Variants in RBFOX1 observed in about 807,000 individuals in gnomAD.
The protein encoded by RBFOX1 is RNA binding protein fox-1 homolog 1.
RBFOX1 carries 8 observed loss-of-function variants against 57.7 expected under a neutral mutation model. The observed-to-expected ratio is 0.14, with a 90% CI of 0.08 to 0.25. RBFOX1 has a LOEUF of 0.25. Among genes scored for constraint, RBFOX1 ranks in the 10% least tolerant of loss-of-function variants. The probability of loss-of-function intolerance (pLI) is 1.00; values close to 1 mark genes in which losing one functional copy is unlikely to be tolerated. For synonymous variants in RBFOX1, 326 were observed against 222.4 expected (o/e 1.47, Z -4.15); for missense variants, 611 against 548.5 (o/e 1.11, Z -1.14).
At chr16:6,971,552 G>A (rs1181863889) in intron 3 of RBFOX1, among the ~76,000 whole-genome samples, 1 of 151,882 alleles carries the variant, frequency 6.6e-6, no homozygotes, top group Non-Finnish European at 1.5e-5. Context: ...TTGAGCAAAA[G>A]AAATGTGTTC....
intron 1 of RBFOX1, among the ~76,000 whole-genome samples, chr16:5,263,063 G>C (rs764864530): frequency 6.6e-6 from 1 of 151,914 alleles, no homozygotes; most frequent in East Asian, 1.9e-4. Context: ...GCTAACAATG[G>C]CAGGGTGACG....
At chr16:5,973,514 A>C (rs776057774) in intron 4 of RBFOX1, among the ~76,000 whole-genome samples, 28 of 152,194 alleles carry the variant, frequency 1.8e-4, no homozygotes, top group Non-Finnish European at 3.1e-4. Context: ...GAAAAGTCAT[A>C]TACGCAGGAT....
chr16:6,238,110 A>AG (rs1041869283), intron 1 of RBFOX1, among the ~76,000 whole-genome samples: 1 of 145,814 alleles, frequency 6.9e-6, no homozygotes, highest in African/African-American at 2.6e-5. Flanking sequence ...AAAAAAAAAA[A>AG]AGAAAGAAAA....
chr16:7,025,099 A>T (rs1568421568), intron 3 of RBFOX1, among the ~76,000 whole-genome samples: 2 of 152,296 alleles, frequency 1.3e-5, no homozygotes, highest in South Asian at 4.1e-4. Context: ...TATGTTTATT[A>T]AGAATGTAGA....
intron 9 of RBFOX1, among the ~76,000 whole-genome samples, chr16:7,605,998 A>T (rs1415647504): frequency 6.6e-6 from 1 of 151,848 alleles, no homozygotes; most frequent in Non-Finnish European, 1.5e-5. Context: ...AGTAGAGTCA[A>T]GGTTTCGCCA....
At chr16:6,779,869 TTA>T (rs796745489) in intron 3 of RBFOX1, among the ~76,000 whole-genome samples, 58 of 3,306 alleles carry the variant, frequency 0.018, 7 homozygotes, top group East Asian at 0.071. Flanking sequence ...ATTTATATAT[TTA>T]TATATATTTA....
chr16:7,271,073 C>T (rs1480912697), intron 4 of RBFOX1, among the ~76,000 whole-genome samples: 1 of 152,058 alleles, frequency 6.6e-6, no homozygotes, highest in East Asian at 1.9e-4. Context: ...CCTCACAGTT[C>T]TAAAGGAGAC....
intron 4 of RBFOX1, among the ~76,000 whole-genome samples, chr16:7,400,494 C>A (rs1204667576): frequency 6.6e-6 from 1 of 152,092 alleles, no homozygotes; most frequent in East Asian, 1.9e-4. Flanking sequence ...TGAAAGCTAC[C>A]TTGGCCCACA....
intron 1 of RBFOX1, among the ~76,000 whole-genome samples, chr16:5,329,982 CAAAAAAAAAAA>C (rs71142613): frequency 2.8e-5 from 4 of 144,674 alleles, no homozygotes; most frequent in Non-Finnish European, 3.0e-5. Context: ...GACTCTGTCT[CAAAAAAAAAAA>C]AAAAAAAAAA....
At chr16:7,445,747 C>CA (rs1352358635) in intron 4 of RBFOX1, among the ~76,000 whole-genome samples, 1 of 152,088 alleles carries the variant, frequency 6.6e-6, no homozygotes, top group Non-Finnish European at 1.5e-5. Flanking sequence ...TTTGTCTTTT[C>CA]ACGCGGGTGA....
intron 1 of RBFOX1, among the ~76,000 whole-genome samples, chr16:5,298,030 AACTTTTT>A (rs1168458083): frequency 0.011 from 1,637 of 152,340 alleles, 21 homozygotes; most frequent in African/African-American, 0.038. Context: ...CCATTGAATT[AACTTTTT>A]GCAGTCATAG....
chr16:5,952,350 C>T (rs565268345), intron 4 of RBFOX1, among the ~76,000 whole-genome samples: 2 of 152,136 alleles, frequency 1.3e-5, no homozygotes, highest in African/African-American at 4.8e-5. Context: ...GGGGTTTCAC[C>T]ATGTTGACCA....
At chr16:7,558,723 A>G (rs1409647606) in intron 5 of RBFOX1, among the ~76,000 whole-genome samples, 2 of 152,290 alleles carry the variant, frequency 1.3e-5, no homozygotes. Context: ...TCAGCACCGA[A>G]AAGGCTGGAG....
intron 1 of RBFOX1, among the ~76,000 whole-genome samples, chr16:5,253,019 G>C (rs992249311): frequency 2.0e-5 from 3 of 152,210 alleles, no homozygotes; most frequent in Non-Finnish European, 2.9e-5. Flanking sequence ...TCAGCGTGAG[G>C]GGTTCTCCTC....
intron 2 of RBFOX1, among the ~76,000 whole-genome samples, chr16:6,389,487 C>G (rs1001263082): frequency 2.0e-5 from 3 of 152,164 alleles, no homozygotes; most frequent in African/African-American, 7.2e-5. Context: ...TTCTGAAATA[C>G]TAGACTTCTT....
At chr16:5,404,954 A>G (rs80350873) in intron 1 of RBFOX1, among the ~76,000 whole-genome samples, 1,771 of 152,366 alleles carry the variant, frequency 0.012, 33 homozygotes, top group African/African-American at 0.04. Context: ...AGTCATCATC[A>G]TAGGAAGTAC....
intron 2 of RBFOX1, among the ~76,000 whole-genome samples, chr16:6,528,464 A>C (rs138283416): frequency 1.9e-4 from 29 of 152,274 alleles, no homozygotes; most frequent in African/African-American, 7.0e-4. Flanking sequence ...GTTTACATGC[A>C]CCCTACAGCA....
intron 5 of RBFOX1, among the ~76,000 whole-genome samples, chr16:7,567,327 C>A (rs1477936291): frequency 3.7e-5 from 2 of 54,286 alleles, no homozygotes; most frequent in Admixed American, 2.1e-4. Context: ...ATATATCTCC[C>A]TATATATGGC....
At chr16:7,703,619 T>C (rs1315112156) in intron 14 of RBFOX1, among the ~76,000 whole-genome samples, 2 of 152,238 alleles carry the variant, frequency 1.3e-5, no homozygotes, top group Non-Finnish European at 2.9e-5. Flanking sequence ...AGTACCAACA[T>C]GGGCCCATTG....
Sources: gnomAD v4.1 joint callset for allele counts (sites outside exome capture counted in the v4.1 genomes callset) on GRCh38, gnomAD v4.1.1 for gene constraint, MANE v1.5 for transcripts, NCBI Gene and HGNC (gene_info 2026-07-23, HGNC 2026-07-21) for gene names.